USP32: variants seen among roughly 807,000 people sequenced by gnomAD.
USP32 encodes ubiquitin carboxyl-terminal hydrolase 32.
In USP32, 59 loss-of-function variants were observed where a neutral mutation model predicts 204.8. That is an observed-to-expected ratio of 0.29 (90% CI 0.23 to 0.36). The LOEUF (loss-of-function observed/expected upper bound fraction) is 0.36. USP32 is among the 10% of genes least tolerant of loss of function. USP32 has a pLI of 1.00. For missense variants in USP32, 1,160 were observed against 1,946.4 expected (o/e 0.60, Z 7.60); for synonymous variants, 517 against 678.4 (o/e 0.76, Z 3.70).
chr17:60,399,797 T>C (rs1220466040), intron 1 of USP32, among the ~76,000 whole-genome samples: 1 of 152,048 alleles, frequency 6.6e-6, no homozygotes, highest in Non-Finnish European at 1.5e-5. Flanking sequence ...CAAGGGAAGA[T>C]TGTCCAAGGA....
intron 11 of USP32, chr17:60,245,314 T>C (rs902411585): frequency 1.8e-5 from 6 of 339,754 alleles, no homozygotes; most frequent in Non-Finnish European, 3.4e-5. Flanking sequence ...CAGGCTGGCA[T>C]TGGGATTGGT....
chr17:60,396,361 G>C (rs575191306), upstream of USP32, among the ~76,000 whole-genome samples: 1 of 152,208 alleles, frequency 6.6e-6, no homozygotes, highest in South Asian at 2.1e-4. Context: ...ATAGGTGTGA[G>C]CCACCACGCC....
intron 2 of USP32, among the ~76,000 whole-genome samples, chr17:60,339,302 G>A (rs2088599344): frequency 6.6e-6 from 1 of 152,020 alleles, no homozygotes; most frequent in Non-Finnish European, 1.5e-5. Flanking sequence ...GGTATAAATG[G>A]CCGAGCATGG....
chr17:60,327,649 C>G (rs536890361), intron 2 of USP32, among the ~76,000 whole-genome samples: 2 of 152,342 alleles, frequency 1.3e-5, no homozygotes, highest in Non-Finnish European at 2.9e-5. Context: ...CGACATGCTC[C>G]AGGCAGTGAG....
At chr17:60,421,321 C>A in intron 1 of USP32, 1 of 960,200 alleles carries the variant, frequency 1.0e-6, no homozygotes, top group South Asian at 4.8e-5. Flanking sequence ...TAAAAAGTTT[C>A]TGGACTCAAA....
intron 2 of USP32, among the ~76,000 whole-genome samples, chr17:60,307,645 A>G (rs2087756910): frequency 6.6e-6 from 1 of 152,112 alleles, no homozygotes; most frequent in Non-Finnish European, 1.5e-5. Flanking sequence ...TGGTACTGAT[A>G]CAGGAGCAGG....
At chr17:60,224,924 G>T (rs1180737345) in intron 13 of USP32, among the ~76,000 whole-genome samples, 1 of 152,140 alleles carries the variant, frequency 6.6e-6, no homozygotes, top group African/African-American at 2.4e-5. Context: ...GAAGTTTTAG[G>T]TAAGTACCAA....
chr17:60,229,099 AG>A (rs952649634), intron 12 of USP32, among the ~76,000 whole-genome samples: 2 of 151,478 alleles, frequency 1.3e-5, no homozygotes, highest in African/African-American at 4.9e-5. Flanking sequence ...TTTTTAATAC[AG>A]GGTCTTGCTC....
At chr17:60,316,152 C>A in intron 2 of USP32, 1 of 272,182 alleles carries the variant, frequency 3.7e-6, no homozygotes, top group South Asian at 3.5e-5. Flanking sequence ...CTATCCATGC[C>A]AAACATGTAA....
rs1361750035 is a variant in USP32 at position 60,215,739 on chromosome 17, A to G, written c.1868-965T>C. ...AATTCTAAATAGGTATAGACTCTAC[A>G]TAGCCAAACAGAGTTTTTTATTATC... On this transcript the variant is annotated intron_variant, in intron 16 of 33. Transcript: ENST00000300896. Among the ~76,000 whole-genome samples the G allele has an allele frequency of 2.6e-5, 4 of 152,344 alleles. No individual in the cohort carries two copies. In the East Asian group the frequency reaches 7.7e-4, roughly 29 times the overall value.
At chr17:60,227,229 T>G (rs1415715633) in intron 12 of USP32, among the ~76,000 whole-genome samples, 1 of 151,576 alleles carries the variant, frequency 6.6e-6, no homozygotes, top group African/African-American at 2.4e-5. Context: ...TATTATTGCC[T>G]TCTATTTCTG....
intron 16 of USP32, 60 bp downstream of exon 16, chr17:60,219,610 G>A: frequency 1.4e-6 from 1 of 698,098 alleles, no homozygotes; most frequent in East Asian, 5.0e-5. Flanking sequence ...TGGTATTCTT[G>A]CTGCATTCTT....
chr17:60,198,466 T>C (rs747350058), intron 26 of USP32, 22 bp from the exon 27 acceptor site: 5 of 1,610,954 alleles, frequency 3.1e-6, no homozygotes, highest in African/African-American at 2.7e-5. Flanking sequence ...AACAAGAGAA[T>C]AGAGAGTTCA....
At chr17:60,386,666 A>C (rs1403693023) in intron 1 of USP32, among the ~76,000 whole-genome samples, 1 of 152,190 alleles carries the variant, frequency 6.6e-6, no homozygotes, top group African/African-American at 2.4e-5. Flanking sequence ...AGTCTCACTA[A>C]GCACAAAGAG....
At chr17:60,264,857 CAAAAA>C (rs34027846) in intron 9 of USP32, among the ~76,000 whole-genome samples, 4 of 43,518 alleles carry the variant, frequency 9.2e-5, no homozygotes, top group African/African-American at 2.6e-4. Flanking sequence ...AAGACTCTGT[CAAAAA>C]AAAAAAAAAA....
chr17:60,317,583 T>G lies in USP32; in HGVS notation c.187-15879A>C, dbSNP rs1002189791. Among the ~76,000 whole-genome samples the G allele has an allele frequency of 4.8e-5, 7 of 147,212 alleles. No individual in the cohort carries two copies. In the East Asian group the frequency reaches 1.4e-3, roughly 30 times the overall value. ...AAATCCCAATACTTTGGGAGGCCAA[T>G]GCAGGAAGATCGCTTAATGCCAGGA... On this transcript the variant is annotated intron_variant, in intron 2 of 33. Transcript: ENST00000300896.
rs1433702945 is a variant in USP32 at position 60,179,049 on chromosome 17, A to G, written c.*206T>C. 1 of 583,842 alleles carries G rather than the reference A, an allele frequency of 1.7e-6. No individual in the cohort carries two copies. The allele number at this position is 583,842 out of a possible 1,614,324, so 36.2% of individuals were successfully genotyped here. ...GGTGGGATCTGCCTGAAAGTTCTCT[A>G]TCGGAGAGCTTGTATGAGACTTCAA... On this transcript the variant is annotated 3_prime_UTR_variant, in exon 34 of 34. Coordinates refer to ENST00000300896, the MANE Select transcript of USP32 (RefSeq NM_032582.4).
intron 1 of USP32, among the ~76,000 whole-genome samples, chr17:60,408,304 GA>G (rs1279595816): frequency 2.0e-5 from 3 of 151,574 alleles, no homozygotes; most frequent in East Asian, 3.9e-4. Flanking sequence ...GAGGAAAGAA[GA>G]AAAAAGAACC....
chr17:60,298,036 G>A (rs2087480876), intron 3 of USP32, among the ~76,000 whole-genome samples: 1 of 152,088 alleles, frequency 6.6e-6, no homozygotes, highest in Non-Finnish European at 1.5e-5. Flanking sequence ...TGCTGTCCTT[G>A]TTTCACCTTT....
Sources: gnomAD v4.1 joint callset for allele counts (sites outside exome capture counted in the v4.1 genomes callset) on GRCh38, gnomAD v4.1.1 for gene constraint, MANE v1.5 for transcripts, NCBI Gene and HGNC (gene_info 2026-07-23, HGNC 2026-07-21) for gene names.